Variants in ARMC8 observed in about 807,000 individuals in gnomAD.
ARMC8 encodes armadillo repeat-containing protein 8.
ARMC8 carries 20 observed loss-of-function variants against 99.3 expected under a neutral mutation model. The observed-to-expected ratio is 0.20, with a 90% CI of 0.14 to 0.29. The LOEUF (loss-of-function observed/expected upper bound fraction) is 0.29. Ranked by LOEUF, ARMC8 falls within the 10% of genes least tolerant of loss-of-function variation. The pLI is 1.00. For missense variants in ARMC8, 569 were observed against 809.5 expected (o/e 0.70, Z 3.60); for synonymous variants, 263 against 278.3 (o/e 0.95, Z 0.55).
At chr3:138,256,657 G>A (rs1461020281) in intron 12 of ARMC8, among the ~76,000 whole-genome samples, 1 of 152,056 alleles carries the variant, frequency 6.6e-6, no homozygotes, top group Middle Eastern at 3.4e-3. Context: ...TGATCTGCCC[G>A]CCTCGGCCTC....
At chr3:138,290,418 G>A (rs954885885) in intron 20 of ARMC8, 128 bp from the exon 21 acceptor site, 3 of 676,090 alleles carry the variant, frequency 4.4e-6, no homozygotes, top group Non-Finnish European at 7.7e-6. Context: ...TTGGGAGAGG[G>A]TAGAGGACAA....
At chr3:138,195,564 T>A (rs971869642) in intron 1 of ARMC8, among the ~76,000 whole-genome samples, 48 of 152,200 alleles carry the variant, frequency 3.2e-4, no homozygotes, top group Non-Finnish European at 6.0e-4. Context: ...CGCTAAATTT[T>A]AAAATACTTA....
Position 138,228,934 on chromosome 3 carries a change from C to CAAAT in ARMC8, c.453_454insAATA (p.His152AsnfsTer8). The CAAAT allele has an allele frequency of 1.2e-6, 2 of 1,607,630 alleles. No individual in the cohort carries two copies. The highest frequency in any genetic ancestry group is 1.7e-6 in the Non-Finnish European group (2 of 1,176,122). ...CTTCCCTAGGATGCCACAGTGATAC[C>CAAAT]ACACCTCATGGCACTGCTTAGCAGG... On this transcript the variant is annotated frameshift_variant, in exon 6 of 22. Coordinates refer to ENST00000469044, the MANE Select transcript of ARMC8 (RefSeq NM_001363941.2). LOFTEE classifies it high-confidence loss of function.
chr3:138,233,084 C>A (rs2046142732), intron 6 of ARMC8, among the ~76,000 whole-genome samples: 1 of 152,214 alleles, frequency 6.6e-6, no homozygotes. Flanking sequence ...TCCCCTACTT[C>A]AGTCTTCACC....
chr3:138,271,798 C>CTTTTTTTTTTTTTTTTTTTTTTTTT (rs776320900), intron 16 of ARMC8, among the ~76,000 whole-genome samples: 6 of 136,134 alleles, frequency 4.4e-5, no homozygotes, highest in African/African-American at 1.7e-4. Context: ...TTTTTTCTTT[C>CTTTTTTTTTTTTTTTTTTTTTTTTT]TTTTTTTTTT....
intron 21 of ARMC8, among the ~76,000 whole-genome samples, chr3:138,293,905 T>C (rs1475892179): frequency 1.3e-5 from 2 of 152,192 alleles, no homozygotes; most frequent in African/African-American, 4.8e-5. Flanking sequence ...TTCACATAAG[T>C]TTTTAGCTCT....
intron 11 of ARMC8, among the ~76,000 whole-genome samples, chr3:138,244,050 A>G (rs1219708151): frequency 6.6e-6 from 1 of 152,138 alleles, no homozygotes; most frequent in Non-Finnish European, 1.5e-5. Context: ...TCTTTACAGT[A>G]GTTTGGTGAT....
At chr3:138,190,257 A>G (rs1317654427) in intron 1 of ARMC8, among the ~76,000 whole-genome samples, 1 of 147,482 alleles carries the variant, frequency 6.8e-6, no homozygotes, top group African/African-American at 2.5e-5. Flanking sequence ...TCAGCTTCAG[A>G]GTTGAGATTC....
intron 12 of ARMC8, among the ~76,000 whole-genome samples, chr3:138,247,230 TG>T (rs1435129784): frequency 6.6e-6 from 1 of 152,222 alleles, no homozygotes; most frequent in Non-Finnish European, 1.5e-5. Context: ...ATTTATTTCT[TG>T]TTTACACTTA....
At chr3:138,287,797 A>T in intron 19 of ARMC8, 1 of 393,976 alleles carries the variant, frequency 2.5e-6, no homozygotes, top group South Asian at 1.9e-5. Flanking sequence ...TGAAAAAACC[A>T]TTGAGCATAT....
At chr3:138,250,887 C>G (rs2108212362) in intron 12 of ARMC8, among the ~76,000 whole-genome samples, 1 of 152,232 alleles carries the variant, frequency 6.6e-6, no homozygotes, top group South Asian at 2.1e-4. Context: ...TGGCTCACGC[C>G]TGTAATTCTA....
chr3:138,204,065 C>G (rs975430971), intron 1 of ARMC8, among the ~76,000 whole-genome samples: 1 of 152,156 alleles, frequency 6.6e-6, no homozygotes, highest in African/African-American at 2.4e-5. Flanking sequence ...TTTTTACTTT[C>G]CAAAAATAGA....
chr3:138,294,391 T>C (rs543473242), intron 21 of ARMC8, among the ~76,000 whole-genome samples: 1 of 152,166 alleles, frequency 6.6e-6, no homozygotes, highest in Non-Finnish European at 1.5e-5. Flanking sequence ...GGGAGTCAGG[T>C]GGATGGTCTG....
chr3:138,244,912 T>C (rs532295364), intron 11 of ARMC8, among the ~76,000 whole-genome samples, 176 bp from the exon 12 acceptor site: 2 of 152,356 alleles, frequency 1.3e-5, no homozygotes, highest in South Asian at 4.1e-4. Flanking sequence ...ATACGAACAC[T>C]GCAAAGTCTC....
chr3:138,262,498 ACT>A lies in ARMC8; in HGVS notation c.1135-1235_1135-1234del, dbSNP rs750065254. ...TGGCTGAAACATCCTGAGGTTTTCCACTCTCTCATGTTCTAAGGTCAGACTTC... is the reference window on the plus strand; with the variant it reads ...TGGCTGAAACATCCTGAGGTTTTCCACTCTCATGTTCTAAGGTCAGACTTC... On this transcript the variant is annotated intron_variant, in intron 12 of 21. Coordinates refer to ENST00000469044, the MANE Select transcript of ARMC8 (RefSeq NM_001363941.2). The A allele has an allele frequency of 4.5e-5, 72 of 1,583,432 alleles. No homozygotes were observed. In the African/African-American group the frequency reaches 8.0e-4, roughly 18 times the overall value.
intron 12 of ARMC8, chr3:138,261,573 G>A (rs978481511): frequency 1.3e-5 from 2 of 152,148 alleles, no homozygotes; most frequent in Non-Finnish European, 2.9e-5. Context: ...TCACAGTATT[G>A]TTATATATAA....
intron 5 of ARMC8, among the ~76,000 whole-genome samples, chr3:138,224,917 A>C (rs570925228): frequency 6.6e-6 from 1 of 152,064 alleles, no homozygotes; most frequent in Non-Finnish European, 1.5e-5. Flanking sequence ...TTATCTCTCT[A>C]TATGTAGAAC....
Position 138,263,765 on chromosome 3 carries a change from C to G in ARMC8, c.1161C>G (p.Asp387Glu). Reference sequence around the variant, plus strand: ...TCATTGAGACTGAAAATATGATGGACCGAATTGTGACTGGCTTGTCTGAGT... The same window carrying G: ...TCATTGAGACTGAAAATATGATGGAGCGAATTGTGACTGGCTTGTCTGAGT... Reference protein sequence around the residue: ...KKIIETENMMDRIVTGLSESS... With the variant: ...KKIIETENMMERIVTGLSESS... Residue 387 changes from aspartate to glutamate, a missense_variant, in exon 13 of 22, where the codon GAC becomes GAG. Transcript: ENST00000469044. 6.2e-7 allele frequency: 1 copy of G among 1,613,978 alleles called. No individual in the cohort carries two copies. Among genetic ancestry groups the G allele is most frequent in the African/African-American group, 1.3e-5 (1 of 75,052 alleles).
chr3:138,187,250 G>A (rs2043113774), upstream of ARMC8: 1 of 402,170 alleles, frequency 2.5e-6, no homozygotes. Context: ...CCCACCGCGA[G>A]CGGCAGGTGG....
Sources: gnomAD v4.1 joint callset for allele counts (sites outside exome capture counted in the v4.1 genomes callset) on GRCh38, gnomAD v4.1.1 for gene constraint, MANE v1.5 for transcripts, NCBI Gene and HGNC (gene_info 2026-07-23, HGNC 2026-07-21) for gene names.